Variants in SHISA9 observed in about 807,000 individuals in gnomAD.
SHISA9 encodes shisa family member 9, also known as protein shisa-9.
SHISA9 carries 13 observed loss-of-function variants against 38.0 expected under a neutral mutation model. That is an observed-to-expected ratio of 0.34 (90% confidence interval 0.22 to 0.54). The LOEUF (loss-of-function observed/expected upper bound fraction) is 0.54. Ranked by LOEUF, SHISA9 falls within the 20% of genes least tolerant of loss-of-function variation. The pLI, the probability that SHISA9 is intolerant of heterozygous loss-of-function variation, is 0.91. For missense variants in SHISA9, 538 were observed against 575.8 expected, an observed-to-expected ratio of 0.93 and a Z score of 0.67; for synonymous variants, 275 against 242.0, an observed-to-expected ratio of 1.14 and a Z score of -1.27.
chr16:13,235,537 T>C lies in SHISA9; in HGVS notation c.*128T>C, dbSNP rs907854334. 5 of 1,192,172 alleles carry C rather than the reference T, an allele frequency of 4.2e-6. No individual in the cohort carries two copies. The Admixed American group carries it at 8.7e-5, about 21-fold the overall frequency. 73.8% of individuals were successfully genotyped at this position (1,192,172 alleles called of 1,614,324 possible). ...ACACTCACTCTCAACAAGAACCAAC[T>C]CTAAACCTACTGGGGACACAGAGTC... On this transcript the variant is annotated 3_prime_UTR_variant, in exon 5 of 5. Coordinates refer to ENST00000558583, the MANE Select transcript of SHISA9 (RefSeq NM_001145204.3).
chr16:12,969,578 C>G (rs1049101933), intron 2 of SHISA9, among the ~76,000 whole-genome samples: 2 of 151,944 alleles, frequency 1.3e-5, no homozygotes, highest in Non-Finnish European at 2.9e-5. Context: ...AACTCTGTCT[C>G]TACTAAAAAA....
At chr16:13,379,728 C>T in the SHISA9 span, among the ~76,000 whole-genome samples, 1 of 152,142 alleles carries the variant, frequency 6.6e-6, no homozygotes, top group African/African-American at 2.4e-5. Flanking sequence ...TCTCTCGTTC[C>T]TTTCCTCTTC....
chr16:13,023,223 A>G (rs950896914), intron 2 of SHISA9, among the ~76,000 whole-genome samples: 1 of 152,106 alleles, frequency 6.6e-6, no homozygotes, highest in South Asian at 2.1e-4. Context: ...CCTGTGTCCA[A>G]GTGATCTCAT....
chr16:13,002,294 G>A (rs2072535448), intron 2 of SHISA9, among the ~76,000 whole-genome samples: 1 of 152,156 alleles, frequency 6.6e-6, no homozygotes, highest in African/African-American at 2.4e-5. Context: ...TCCCTAAACA[G>A]TGACCTTTTA....
In SHISA9 at chr16:13,118,968, G is replaced by A. The variant is rs547677256; in HGVS notation, c.692-84426G>A. Among the ~76,000 whole-genome samples the A allele has an allele frequency of 2.6e-5, 4 of 152,140 alleles. No individual in the cohort carries two copies. In the South Asian group the frequency reaches 8.3e-4, roughly 32 times the overall value. On this transcript the variant is annotated intron_variant, in intron 2 of 4. Transcript: ENST00000558583. ...GCTGGTCTTGAACTCCTGACCTCAG[G>A]TGATCCACTCACCTCGGCCTCCCAA...
At position 12,977,729 on chromosome 16, in the gene SHISA9, A is replaced by G. The variant is rs2072183457; in HGVS notation, c.691+60914A>G. 3.9e-5 allele frequency among the ~76,000 whole-genome samples: 6 copies of G among 152,094 alleles called. No individual in the cohort carries two copies. The South Asian group carries it at 1.2e-3, about 32-fold the overall frequency. Reference sequence around the variant, plus strand: ...AACTAATGCAGGAACAGAAAACCAAACACCGCATGGTCTCACTTATAGGTG... The same window carrying G: ...AACTAATGCAGGAACAGAAAACCAAGCACCGCATGGTCTCACTTATAGGTG... On this transcript the variant is annotated intron_variant, in intron 2 of 4. Transcript: ENST00000558583.
intron 2 of SHISA9, among the ~76,000 whole-genome samples, chr16:12,959,585 C>T (rs1355026152): frequency 2.0e-5 from 3 of 147,124 alleles, no homozygotes; most frequent in Non-Finnish European, 4.6e-5. Flanking sequence ...ACGGGCTTCC[C>T]TCTATAGGGG....
At chr16:13,049,565 C>G (rs1211443892) in intron 2 of SHISA9, among the ~76,000 whole-genome samples, 1 of 152,130 alleles carries the variant, frequency 6.6e-6, no homozygotes. Flanking sequence ...GTAGGGGATA[C>G]TGGGCCTGGC....
intron 2 of SHISA9, among the ~76,000 whole-genome samples, chr16:13,048,106 T>C (rs937621095): frequency 1.3e-5 from 2 of 152,220 alleles, no homozygotes; most frequent in Non-Finnish European, 2.9e-5. Flanking sequence ...AGGATTTTCT[T>C]TGAAGGATTT....
intron 3 of SHISA9, among the ~76,000 whole-genome samples, chr16:13,204,158 CTATCTATCTATT>C (rs1186900202): frequency 7.3e-4 from 86 of 118,312 alleles, no homozygotes; most frequent in South Asian, 4.2e-3. Flanking sequence ...ATCTATCTAT[CTATCTATCTATT>C]TATCTATCAT....
the SHISA9 span, among the ~76,000 whole-genome samples, chr16:13,467,069 G>A: frequency 6.6e-5 from 10 of 152,180 alleles, no homozygotes; most frequent in Non-Finnish European, 4.4e-5. Flanking sequence ...CGTTGACAAG[G>A]GGTGGGCTTA....
chr16:13,388,982 C>T, the SHISA9 span, among the ~76,000 whole-genome samples: 1 of 152,058 alleles, frequency 6.6e-6, no homozygotes, highest in Non-Finnish European at 1.5e-5. Flanking sequence ...ATAGAGTTCC[C>T]ATATACCCTC....
intron 1 of SHISA9, chr16:12,911,124 C>A: frequency 2.8e-6 from 1 of 362,276 alleles, no homozygotes; most frequent in Non-Finnish European, 3.8e-6. Flanking sequence ...AGGGTCTTGT[C>A]ACTCGGAGTG....
the SHISA9 span, among the ~76,000 whole-genome samples, chr16:13,303,016 T>C: frequency 7.2e-5 from 11 of 152,310 alleles, no homozygotes; most frequent in Admixed American, 4.6e-4. Flanking sequence ...ACCTCTTCCT[T>C]TATAAATTAC....
At chr16:13,218,921 G>C (rs1161871867) in intron 4 of SHISA9, among the ~76,000 whole-genome samples, 1 of 152,194 alleles carries the variant, frequency 6.6e-6, no homozygotes, top group Admixed American at 6.5e-5. Context: ...ATTACTTCAT[G>C]AAATTTGGGC....
the SHISA9 span, among the ~76,000 whole-genome samples, chr16:13,300,285 A>G: frequency 6.6e-6 from 1 of 152,158 alleles, no homozygotes; most frequent in Non-Finnish European, 1.5e-5. Flanking sequence ...ACTATGATGT[A>G]ACAAGCTGCA....
chr16:13,532,920 G>A, the SHISA9 span, among the ~76,000 whole-genome samples: 89 of 151,884 alleles, frequency 5.9e-4, no homozygotes, highest in Non-Finnish European at 1.1e-3. Flanking sequence ...CAATCCCCTC[G>A]CTTCTCAGGT....
intron 2 of SHISA9, among the ~76,000 whole-genome samples, chr16:13,193,363 T>G (rs942923593): frequency 6.6e-6 from 1 of 152,202 alleles, no homozygotes. Context: ...TTGGCCTTTT[T>G]ATTTTTTAGA....
intron 4 of SHISA9, among the ~76,000 whole-genome samples, chr16:13,217,784 C>G (rs1276135798): frequency 6.6e-6 from 1 of 152,148 alleles, no homozygotes; most frequent in African/African-American, 2.4e-5. Context: ...AATCCCAGCA[C>G]TTTGGGAGGC....
Sources: allele counts gnomAD v4.1 joint callset (sites outside exome capture counted in the v4.1 genomes callset), GRCh38; gene constraint gnomAD v4.1.1; transcripts MANE v1.5; gene names NCBI Gene and HGNC (gene_info 2026-07-23, HGNC 2026-07-21).